GALK2: variants seen among roughly 807,000 people sequenced by gnomAD.
The protein encoded by GALK2 is N-acetylgalactosamine kinase.
Under a neutral mutation model 52.4 loss-of-function variants are expected in GALK2, and 36 were observed. That is an observed-to-expected ratio of 0.69 (90% CI 0.53 to 0.91). The LOEUF (loss-of-function observed/expected upper bound fraction) is 0.91. Ranked by LOEUF, GALK2 falls within the 40% of genes least tolerant of loss-of-function variation. The pLI, the probability that GALK2 is intolerant of heterozygous loss-of-function variation, is 0.00. For synonymous variants in GALK2, 176 were observed against 199.1 expected, an observed-to-expected ratio of 0.88 and a Z score of 0.98; for missense variants, 579 against 559.1, an observed-to-expected ratio of 1.04 and a Z score of -0.36.
chr15:49,283,567 C>T lies in GALK2; in HGVS notation c.605C>T (p.Ala202Val). ...SISFLAEEGT[A>V]KLIEFSPLRA... ...CTCCTTTCATTTTTCTTCTAACAGGCCAAGTTGATAGAATTTAGTCCTCTG... is the reference window on the plus strand; with the variant it reads ...CTCCTTTCATTTTTCTTCTAACAGGTCAAGTTGATAGAATTTAGTCCTCTG... Residue 202 changes from alanine to valine, a missense_variant and splice_region_variant, in exon 7 of 10, where the codon GCC becomes GTC. Transcript: ENST00000560031. 1.9e-6 allele frequency: 3 copies of T among 1,608,882 alleles called. No homozygotes were observed. The Middle Eastern group carries it at 5.0e-4, about 266-fold the overall frequency.
chr15:49,313,643 C>T (rs542841497), intron 8 of GALK2, among the ~76,000 whole-genome samples: 2 of 152,306 alleles, frequency 1.3e-5, no homozygotes, highest in African/African-American at 4.8e-5. Context: ...TTATAAGTTC[C>T]CTTAATGCAG....
chr15:49,296,534 C>G (rs972554039), intron 8 of GALK2, among the ~76,000 whole-genome samples: 2 of 151,972 alleles, frequency 1.3e-5, no homozygotes, highest in African/African-American at 4.8e-5. Context: ...TGTTGGGCAT[C>G]TAGTTTGATT....
chr15:49,299,654 G>C (rs975536312), intron 8 of GALK2, among the ~76,000 whole-genome samples: 14 of 152,122 alleles, frequency 9.2e-5, no homozygotes, highest in Non-Finnish European at 1.5e-4. Flanking sequence ...TTATTCAGGA[G>C]CAAGTTGTTT....
At chr15:49,360,380 C>A (rs12593092) in intron 3 of GALK2, among the ~76,000 whole-genome samples, 63,812 of 152,070 alleles carry the variant, frequency 0.42, 13,538 homozygotes, top group African/African-American at 0.45. Flanking sequence ...CTCATGTTAG[C>A]AATACAGATA....
downstream of GALK2, among the ~76,000 whole-genome samples, chr15:49,333,563 T>C (rs1290550361): frequency 1.3e-5 from 2 of 152,204 alleles, no homozygotes; most frequent in East Asian, 1.9e-4. Context: ...AGCAGAAAGC[T>C]GGGTGATAAA....
chr15:49,290,306 G>A (rs2033808668), intron 7 of GALK2, among the ~76,000 whole-genome samples: 1 of 152,210 alleles, frequency 6.6e-6, no homozygotes, highest in African/African-American at 2.4e-5. Flanking sequence ...GGGCTGTGCA[G>A]CTGTCATTGA....
chr15:49,261,735 A>G (rs999562386), intron 5 of GALK2, among the ~76,000 whole-genome samples: 2 of 152,034 alleles, frequency 1.3e-5, no homozygotes, highest in African/African-American at 4.8e-5. Flanking sequence ...ATTTTGAAAT[A>G]CATCCCATCA....
chr15:49,277,132 T>G (rs2031871903), intron 5 of GALK2, among the ~76,000 whole-genome samples: 2 of 93,772 alleles, frequency 2.1e-5, no homozygotes, highest in African/African-American at 4.5e-5. Context: ...CCGGCTAATT[T>G]TTGTATTTTT....
chr15:49,165,123 A>AAATG (rs918200255), intron 1 of GALK2, among the ~76,000 whole-genome samples: 23 of 152,354 alleles, frequency 1.5e-4, no homozygotes, highest in Non-Finnish European at 2.9e-4. Context: ...AACATTTGTT[A>AAATG]AATGAATGAA....
chr15:49,359,998 C>G (rs2043900430), intron 3 of GALK2, among the ~76,000 whole-genome samples: 1 of 146,424 alleles, frequency 6.8e-6, no homozygotes, highest in South Asian at 2.2e-4. Flanking sequence ...AACAAAAAAC[C>G]AAACACCGCA....
intron 1 of GALK2, among the ~76,000 whole-genome samples, chr15:49,191,295 A>G (rs994868025): frequency 3.3e-5 from 5 of 152,044 alleles, no homozygotes; most frequent in African/African-American, 1.2e-4. Flanking sequence ...GCTGACTGAG[A>G]CTGGTCTGTT....
chr15:49,216,448 C>G lies in GALK2; in HGVS notation c.143-742C>G, dbSNP rs150838156. Among the ~76,000 whole-genome samples, 283 of 152,336 alleles carry G rather than the reference C, an allele frequency of 1.9e-3. 2 individuals carry two copies. Among genetic ancestry groups the G allele is most frequent in the African/African-American group, 6.3e-3 (262 of 41,576 alleles). On this transcript the variant is annotated intron_variant, in intron 2 of 9. Transcript: ENST00000560031. The stretch of plus-strand genomic sequence containing the variant: ...TTCTTTCCTTAAGCTAAAGGAATCT[C>G]TCCCCAAACTGCACTTCCTGGAGTT...
At chr15:49,194,476 A>G (rs1467188593) in intron 1 of GALK2, among the ~76,000 whole-genome samples, 1 of 152,124 alleles carries the variant, frequency 6.6e-6, no homozygotes, top group Non-Finnish European at 1.5e-5. Context: ...TTCATTACGG[A>G]GGCCATATAG....
chr15:49,297,652 G>A (rs1344972148), intron 8 of GALK2, among the ~76,000 whole-genome samples: 1 of 152,104 alleles, frequency 6.6e-6, no homozygotes, highest in African/African-American at 2.4e-5. Flanking sequence ...TGTATGAATA[G>A]CCACCTATCC....
intron 9 of GALK2, among the ~76,000 whole-genome samples, chr15:49,320,917 AG>A (rs2036819421): frequency 6.6e-6 from 1 of 152,242 alleles, no homozygotes. Context: ...TTTGCCTGGA[AG>A]GAAGTGGGAT....
At chr15:49,182,480 A>G (rs1200220136) in intron 1 of GALK2, among the ~76,000 whole-genome samples, 1 of 152,160 alleles carries the variant, frequency 6.6e-6, no homozygotes, top group Non-Finnish European at 1.5e-5. Context: ...TTTTCAATAC[A>G]CCGATTTCCT....
Position 49,319,825 on chromosome 15 carries a change from GC to G in GALK2, c.1169+22del. ...CTGTCGGTGAGGCAGCCTGGTGGGG[GC>G]CAAGGGATGCCATCAAATAATATTG... On this transcript the variant is annotated intron_variant, in intron 9 of 9. Transcript: ENST00000560031. The G allele has an allele frequency of 6.3e-7, 1 of 1,591,968 alleles. No individual in the cohort carries two copies. Among genetic ancestry groups the G allele is most frequent in the Non-Finnish European group, 8.6e-7 (1 of 1,163,658 alleles).
chr15:49,264,708 C>G (rs1232018640), intron 5 of GALK2, among the ~76,000 whole-genome samples: 3 of 152,108 alleles, frequency 2.0e-5, no homozygotes, highest in East Asian at 1.9e-4. Context: ...GTGGTTTTAT[C>G]TACTTTTGGT....
At chr15:49,250,232 C>G (rs1249182109) in intron 5 of GALK2, among the ~76,000 whole-genome samples, 1 of 151,870 alleles carries the variant, frequency 6.6e-6, no homozygotes, top group Non-Finnish European at 1.5e-5. Context: ...GAGTAAGGAG[C>G]CAAATCATAT....
Sources: allele counts gnomAD v4.1 joint callset (sites outside exome capture counted in the v4.1 genomes callset), GRCh38; gene constraint gnomAD v4.1.1; transcripts MANE v1.5; gene names NCBI Gene and HGNC (gene_info 2026-07-23, HGNC 2026-07-21).